Variants in NID2 observed in about 807,000 individuals in gnomAD.
NID2 encodes the protein nidogen-2.
NID2 carries 83 observed loss-of-function variants against 145.4 expected under a neutral mutation model. That is an observed-to-expected ratio of 0.57 (90% confidence interval 0.48 to 0.69). The LOEUF is 0.69. Among genes scored for constraint, NID2 ranks in the 30% least tolerant of loss-of-function variants. The pLI is 0.00. For missense variants in NID2, 1,807 were observed against 1,765.7 expected, an observed-to-expected ratio of 1.02 and a Z score of -0.42; for synonymous variants, 739 against 701.3, an observed-to-expected ratio of 1.05 and a Z score of -0.85.
intron 20 of NID2, 159 bp downstream of exon 20, chr14:52,006,378 A>AC: frequency 1.3e-6 from 1 of 741,032 alleles, no homozygotes; most frequent in Non-Finnish European, 2.2e-6. Flanking sequence ...AGGATGAAAA[A>AC]CATCCTTGAA....
chr14:52,047,880 C>T (rs543606553), intron 5 of NID2, among the ~76,000 whole-genome samples: 4 of 152,244 alleles, frequency 2.6e-5, no homozygotes, highest in South Asian at 4.1e-4. Flanking sequence ...GCATTTCTCC[C>T]GGTGGATTCC....
chr14:52,026,151 C>T (rs1371888812), intron 12 of NID2, among the ~76,000 whole-genome samples: 3 of 152,222 alleles, frequency 2.0e-5, no homozygotes, highest in Non-Finnish European at 2.9e-5. Context: ...CTGCTGTCCA[C>T]TCAGCCCATC....
At chr14:52,064,622 T>A (rs987331916) in intron 2 of NID2, among the ~76,000 whole-genome samples, 3 of 152,220 alleles carry the variant, frequency 2.0e-5, no homozygotes, top group Non-Finnish European at 2.9e-5. Flanking sequence ...AGTTTCAACA[T>A]GATTTTCAGA....
Position 52,067,888 on chromosome 14 carries a change from C to G in NID2, c.504G>C (p.Glu168Asp). The change falls in exon 2 of 22, where the codon GAG becomes GAC. Residue 168 changes from glutamate (E) to aspartate (D), a missense_variant. Glu to Asp is a conservative substitution (Grantham distance 45). Coordinates refer to ENST00000216286, the MANE Select transcript of NID2 (RefSeq NM_007361.4). Reference protein sequence around the residue: ...ATWEQVGAYEEVKRGALPSGE... With the variant: ...ATWEQVGAYEDVKRGALPSGE... Reference sequence around the variant, plus strand: ...CCGAGGGCAGCGCCCCGCGCTTGACCTCCTCGTAAGCGCCTACCTGCTCCC... The same window carrying G: ...CCGAGGGCAGCGCCCCGCGCTTGACGTCCTCGTAAGCGCCTACCTGCTCCC... 3 of 1,612,662 alleles carry G rather than the reference C, an allele frequency of 1.9e-6. No homozygotes were observed. The highest frequency in any genetic ancestry group is 2.2e-5 in the South Asian group (2 of 91,016).
intron 14 of NID2, among the ~76,000 whole-genome samples, chr14:52,015,664 C>T (rs1429333307): frequency 3.3e-5 from 5 of 152,182 alleles, no homozygotes; most frequent in Admixed American, 6.5e-5. Context: ...TGACAGAGCA[C>T]TTGTGCAGGT....
At chr14:52,039,241 G>C (rs1892188676) in intron 8 of NID2, among the ~76,000 whole-genome samples, 1 of 152,210 alleles carries the variant, frequency 6.6e-6, no homozygotes, top group South Asian at 2.1e-4. Flanking sequence ...CATGCCAACA[G>C]TGCTCTCTAC....
At chr14:52,034,356 C>G (rs886118634) in intron 9 of NID2, among the ~76,000 whole-genome samples, 1 of 152,196 alleles carries the variant, frequency 6.6e-6, no homozygotes, top group African/African-American at 2.4e-5. Context: ...ACACCCAACA[C>G]AGGGCTGACC....
intron 5 of NID2, among the ~76,000 whole-genome samples, chr14:52,047,082 C>T (rs193136327): frequency 3.5e-4 from 54 of 152,322 alleles, no homozygotes; most frequent in African/African-American, 1.3e-3. Context: ...TGAGCATTCA[C>T]TATAGACCTG....
intron 7 of NID2, among the ~76,000 whole-genome samples, chr14:52,041,390 T>C (rs1892274512): frequency 6.6e-6 from 1 of 152,228 alleles, no homozygotes; most frequent in African/African-American, 2.4e-5. Flanking sequence ...TATTAACAGC[T>C]ACCGAGCTCT....
intron 12 of NID2, among the ~76,000 whole-genome samples, chr14:52,020,414 A>G (rs1330476572): frequency 6.6e-6 from 1 of 152,250 alleles, no homozygotes; most frequent in Non-Finnish European, 1.5e-5. Context: ...TGTTCAGTGT[A>G]GAAATCAAAT....
intron 8 of NID2, 83 bp downstream of exon 8, chr14:52,040,568 A>G: frequency 8.5e-7 from 1 of 1,171,656 alleles, no homozygotes; most frequent in Non-Finnish European, 1.3e-6. Flanking sequence ...AGGACATGCC[A>G]TGTAAGTCAT....
chr14:52,053,530 C>G (rs1298658053), intron 5 of NID2, 49 bp downstream of exon 5: 1 of 1,553,240 alleles, frequency 6.4e-7, no homozygotes, highest in Non-Finnish European at 8.7e-7. Context: ...TATGCAAAAC[C>G]AGCATGGTTA....
chr14:52,046,816 A>G (rs949476062), intron 5 of NID2, among the ~76,000 whole-genome samples: 2 of 152,146 alleles, frequency 1.3e-5, no homozygotes, highest in Non-Finnish European at 1.5e-5. Context: ...TATTTTTAGG[A>G]TGGTACTTAC....
intron 12 of NID2, among the ~76,000 whole-genome samples, chr14:52,021,534 G>A (rs1313019701): frequency 1.3e-5 from 2 of 152,212 alleles, no homozygotes; most frequent in Non-Finnish European, 2.9e-5. Context: ...TTAAGCGTAG[G>A]TGTTCTGTTC....
At chr14:52,052,895 T>A (rs1032560033) in intron 5 of NID2, among the ~76,000 whole-genome samples, 1 of 152,170 alleles carries the variant, frequency 6.6e-6, no homozygotes, top group Non-Finnish European at 1.5e-5. Context: ...AAGACTGACA[T>A]AGACCCCATG....
rs150150767 is a variant in NID2 at position 52,011,623 on chromosome 14, C to T, written c.3481G>A (p.Val1161Ile). 2 of 1,614,240 alleles carry T rather than the reference C, an allele frequency of 1.2e-6. No homozygotes were observed. The highest frequency in any genetic ancestry group is 2.2e-5 in the East Asian group (1 of 44,896). The change falls in exon 17 of 22, where the codon GTT (valine) becomes ATT (isoleucine). Residue 1161 changes from valine (V) to isoleucine (I), a missense_variant. By Grantham distance (29) the Val-to-Ile change is conservative (BLOSUM62 3). Coordinates refer to ENST00000216286, the MANE Select transcript of NID2 (RefSeq NM_007361.4). ...GCACGGCTGATTGTCCGTCCAGCAA[C>T]ATCTGTCCAGTACACCATCCTCTCC... ...CRERMVYWTD[V>I]AGRTISRAGL...
At chr14:52,042,668 C>T in intron 6 of NID2, 114 bp downstream of exon 6, 1 of 1,109,000 alleles carries the variant, frequency 9.0e-7, no homozygotes, top group Non-Finnish European at 1.3e-6. Context: ...GTTGATAGCA[C>T]TCTGATTTAA....
At chr14:52,050,255 T>A (rs1221630091) in intron 5 of NID2, among the ~76,000 whole-genome samples, 1 of 152,168 alleles carries the variant, frequency 6.6e-6, no homozygotes, top group Non-Finnish European at 1.5e-5. Flanking sequence ...CACTGGCAAC[T>A]CTCTCACCCC....
At chr14:52,045,384 G>C (rs1472598905) in intron 5 of NID2, among the ~76,000 whole-genome samples, 1 of 152,122 alleles carries the variant, frequency 6.6e-6, no homozygotes, top group East Asian at 1.9e-4. Flanking sequence ...AATCTGATTA[G>C]AACATAGTAG....
Sources: gnomAD v4.1 joint callset for allele counts (sites outside exome capture counted in the v4.1 genomes callset) on GRCh38, gnomAD v4.1.1 for gene constraint, MANE v1.5 for transcripts, NCBI Gene and HGNC (gene_info 2026-07-23, HGNC 2026-07-21) for gene names.